Variants in HMGA2 observed in about 807,000 individuals in gnomAD.
The protein encoded by HMGA2 is high mobility group AT-hook 2.
HMGA2 carries 8 observed loss-of-function variants against 19.1 expected under a neutral mutation model. That is an observed-to-expected ratio of 0.42 (90% CI 0.25 to 0.76). The LOEUF (loss-of-function observed/expected upper bound fraction) is 0.76. HMGA2 is among the 30% of genes least tolerant of loss of function. The probability of loss-of-function intolerance (pLI) is 0.28; values close to 1 mark genes in which losing one functional copy is unlikely to be tolerated. For missense variants in HMGA2, 109 were observed against 136.3 expected (o/e 0.80, Z 1.00); for synonymous variants, 60 against 48.8 (o/e 1.23, Z -0.96).
At chr12:65,915,207 T>C in intron 3 of HMGA2, 2 of 1,604,068 alleles carry the variant, frequency 1.2e-6, no homozygotes, top group South Asian at 2.2e-5. Flanking sequence ...TCTATGAGCC[T>C]TATGTGTGGC....
intron 3 of HMGA2, among the ~76,000 whole-genome samples, chr12:65,899,853 A>G (rs1177864206): frequency 6.6e-6 from 1 of 152,202 alleles, no homozygotes; most frequent in African/African-American, 2.4e-5. Context: ...ACTGGATCAC[A>G]TTTTACCTGC....
intron 3 of HMGA2, among the ~76,000 whole-genome samples, chr12:65,882,756 A>G (rs1873482818): frequency 6.6e-6 from 1 of 152,230 alleles, no homozygotes; most frequent in South Asian, 2.1e-4. Context: ...CCCTCAGTAA[A>G]TGTTGGCTAG....
intron 3 of HMGA2, chr12:65,881,558 AATGG>A: frequency 1.7e-6 from 1 of 594,414 alleles, no homozygotes; most frequent in Non-Finnish European, 3.0e-6. Flanking sequence ...GCTACCAAGT[AATGG>A]AAAGATCCAG....
At chr12:65,921,681 A>C (rs1394931815) in intron 3 of HMGA2, among the ~76,000 whole-genome samples, 1 of 152,246 alleles carries the variant, frequency 6.6e-6, no homozygotes, top group Non-Finnish European at 1.5e-5. Flanking sequence ...ATAAGTAGCA[A>C]GGAGCCTAAT....
chr12:65,953,809 G>A lies in HMGA2; in HGVS notation c.282+2394G>A, dbSNP rs562612923. ...ATATAAACATGAAAACTACGTGAAA[G>A]TTCGTGGAGGATAATGTAAATTTTA... On this transcript the variant is annotated intron_variant, in intron 4 of 4. Transcript: ENST00000403681. 7.2e-5 allele frequency: 11 copies of A among 152,324 alleles called. No individual in the cohort carries two copies. In the South Asian group the frequency reaches 2.1e-3, roughly 29 times the overall value. 9.4% of individuals were successfully genotyped at this position (152,324 alleles called of 1,614,324 possible).
chr12:65,941,055 A>G (rs781391380), intron 3 of HMGA2, among the ~76,000 whole-genome samples: 5 of 152,226 alleles, frequency 3.3e-5, no homozygotes, highest in Non-Finnish European at 5.9e-5. Context: ...AATATTCTAT[A>G]CAATGCTAAA....
chr12:65,841,680 T>C (rs1871002832), intron 3 of HMGA2, among the ~76,000 whole-genome samples: 1 of 152,218 alleles, frequency 6.6e-6, no homozygotes, highest in South Asian at 2.1e-4. Context: ...ATTCATTAGG[T>C]ATATGGGTTA....
At chr12:65,899,006 G>A (rs748789210) in intron 3 of HMGA2, among the ~76,000 whole-genome samples, 5 of 137,878 alleles carry the variant, frequency 3.6e-5, no homozygotes, top group Non-Finnish European at 7.5e-5. Flanking sequence ...ATCGTGCCAC[G>A]GCACTCCAGC....
intron 4 of HMGA2, chr12:65,955,821 C>G (rs1008863768): frequency 6.6e-6 from 1 of 152,226 alleles, no homozygotes; most frequent in Non-Finnish European, 1.5e-5. Flanking sequence ...CCTTGATTAT[C>G]ACGGGATTTC....
At chr12:65,910,843 C>A (rs1035836885) in intron 3 of HMGA2, among the ~76,000 whole-genome samples, 1 of 152,134 alleles carries the variant, frequency 6.6e-6, no homozygotes, top group African/African-American at 2.4e-5. Context: ...CCCTTTGTTC[C>A]AAGCGTTGAC....
intron 4 of HMGA2, chr12:65,952,329 A>C (rs1252721366): frequency 3.3e-6 from 5 of 1,520,232 alleles, no homozygotes; most frequent in Non-Finnish European, 4.4e-6. Context: ...AGTCTTTACA[A>C]ATCTACCTTG....
In HMGA2 at chr12:65,930,387, C is replaced by T. The variant is rs118135786; in HGVS notation, c.250-20996C>T. On this transcript the variant is annotated intron_variant, in intron 3 of 4. Transcript: ENST00000403681. ...AAAATGTGCCCAGGGCCCGTACCTG[C>T]CCCTCTGTGGAACTAGCCCAACTCA... Among the ~76,000 whole-genome samples the T allele has an allele frequency of 7.0e-4, 106 of 152,326 alleles. No homozygotes were observed. In the East Asian group the frequency reaches 0.014, roughly 21 times the overall value.
At chr12:65,894,107 G>T (rs1213104925) in intron 3 of HMGA2, among the ~76,000 whole-genome samples, 1 of 152,154 alleles carries the variant, frequency 6.6e-6, no homozygotes, top group Admixed American at 6.5e-5. Context: ...TCGTGAGCCT[G>T]GTTGTATGCC....
chr12:65,915,496 T>C, intron 3 of HMGA2: 1 of 1,207,002 alleles, frequency 8.3e-7, no homozygotes, highest in Non-Finnish European at 1.0e-6. Context: ...TATGGTGTGG[T>C]TTGATTTCAT....
intron 3 of HMGA2, among the ~76,000 whole-genome samples, chr12:65,950,806 A>C (rs1876431529): frequency 6.6e-6 from 1 of 152,258 alleles, no homozygotes; most frequent in Non-Finnish European, 1.5e-5. Flanking sequence ...AAACAAAGTG[A>C]ATCAAACAGT....
chr12:65,852,955 T>C (rs1871549446), intron 3 of HMGA2, among the ~76,000 whole-genome samples: 1 of 152,190 alleles, frequency 6.6e-6, no homozygotes, highest in Non-Finnish European at 1.5e-5. Context: ...CAGAACATCA[T>C]GGACAAAACA....
rs193049603 is a variant in HMGA2 at position 65,871,192 on chromosome 12, A to G, written c.249+32623A>G. ...TATACAGTTTTACATGGTTGAAACA[A>G]AGAATAATAATATTTATTATGTAAG... On this transcript the variant is annotated intron_variant, in intron 3 of 4. Transcript: ENST00000403681. Among the ~76,000 whole-genome samples the G allele has an allele frequency of 1.1e-3, 163 of 152,348 alleles. 1 individual carries two copies. Among genetic ancestry groups the G allele is most frequent in the Non-Finnish European group, 1.5e-4 (10 of 68,028 alleles).
In HMGA2 at chr12:65,825,108, A is replaced by C. The variant is rs1044679877; in HGVS notation, c.-163A>C. On this transcript the variant is annotated 5_prime_UTR_variant, in exon 1 of 5. Coordinates refer to ENST00000403681, the MANE Select transcript of HMGA2 (RefSeq NM_003483.6). This position sits in a 1 kb window ranked among gnomAD's most constrained non-coding sequence, Gnocchi z 4.4. ...CTGGACGTCCGGTGTTGATGGTGGC[A>C]GCGGCGGCAGCCTAAGCAACAGCAG... The C allele has an allele frequency of 1.9e-6, 1 of 534,124 alleles. No individual in the cohort carries two copies. Among genetic ancestry groups the C allele is most frequent in the African/African-American group, 2.0e-5 (1 of 49,666 alleles). The allele number at this position is 534,124 out of a possible 1,614,324, so 33.1% of individuals were successfully genotyped here. A position where few individuals can be genotyped will look rare whatever the true frequency, so the allele number is the denominator to read the frequency against.
At chr12:65,891,127 A>G (rs1318677009) in intron 3 of HMGA2, among the ~76,000 whole-genome samples, 3 of 152,174 alleles carry the variant, frequency 2.0e-5, no homozygotes, top group Non-Finnish European at 4.4e-5. Context: ...TTTAATGTAA[A>G]GTATAGAAAC....
Sources: gnomAD v4.1 joint callset for allele counts (sites outside exome capture counted in the v4.1 genomes callset) on GRCh38, gnomAD v4.1.1 for gene constraint, Gnocchi (gnomAD v3.1) non-coding constraint, MANE v1.5 for transcripts, NCBI Gene and HGNC (gene_info 2026-07-23, HGNC 2026-07-21) for gene names.